RANBP2: variants seen among roughly 807,000 people sequenced by gnomAD.
RANBP2 encodes the protein RAN binding protein 2, also known as E3 SUMO-protein ligase RanBP2.
Under a neutral mutation model 303.6 loss-of-function variants are expected in RANBP2, and 57 were observed. The ratio of observed to expected loss-of-function variants is 0.19; its 90% confidence interval spans 0.15 to 0.23. RANBP2 has a LOEUF of 0.23. Ranked by LOEUF, RANBP2 falls within the 10% of genes least tolerant of loss-of-function variation. The pLI, the probability that RANBP2 is intolerant of heterozygous loss-of-function variation, is 1.00. For missense variants in RANBP2, 3,138 were observed against 3,780.8 expected (o/e 0.83, Z 4.46); for synonymous variants, 1,167 against 1,301.5 (o/e 0.90, Z 2.23).
At chr2:109,518,355 C>G in the RANBP2 span, among the ~76,000 whole-genome samples, 2 of 152,184 alleles carry the variant, frequency 1.3e-5, no homozygotes, top group Admixed American at 1.3e-4. Flanking sequence ...TACAAGCACC[C>G]TATGAGGACT....
At chr2:109,133,131 G>A in the RANBP2 span, among the ~76,000 whole-genome samples, 1 of 152,176 alleles carries the variant, frequency 6.6e-6, no homozygotes, top group South Asian at 2.1e-4. Context: ...CTCTCAGAAG[G>A]TACCCGTGGG....
Position 108,775,857 on chromosome 2 carries a change from A to C in RANBP2, c.8418A>C (p.Pro2806=). The stretch of plus-strand genomic sequence containing the variant: ...CTATTACCAAATCCATTAGTTCACC[A>C]TCTGTTTCCTCTGAAACTATGGACA... ...PDSITKSISS[P]SVSSETMDKP... Residue 2806 remains proline (P), a synonymous_variant, in exon 24 of 29, where the codon CCA becomes CCC. Transcript: ENST00000283195. 6.2e-7 allele frequency: 1 copy of C among 1,613,666 alleles called. No individual in the cohort carries two copies. Among genetic ancestry groups the C allele is most frequent in the Non-Finnish European group, 8.5e-7 (1 of 1,179,930 alleles).
At chr2:109,667,121 T>C in the RANBP2 span, 3 of 1,179,194 alleles carry the variant, frequency 2.5e-6, no homozygotes, top group Non-Finnish European at 3.7e-6. Context: ...TTTTGTTTTA[T>C]TTTACTTTTC....
chr2:108,761,689 T>G (rs917399579), intron 18 of RANBP2, among the ~76,000 whole-genome samples: 12 of 152,124 alleles, frequency 7.9e-5, no homozygotes, highest in Admixed American at 6.5e-4. Context: ...AACCTAGTCT[T>G]TCTGCAGATT....
At chr2:109,416,792 G>C in the RANBP2 span, among the ~76,000 whole-genome samples, 2 of 151,690 alleles carry the variant, frequency 1.3e-5, no homozygotes, top group African/African-American at 4.8e-5. Context: ...TGTAATCCCG[G>C]CTACTCAGGA....
At chr2:108,816,610 T>G in the RANBP2 span, among the ~76,000 whole-genome samples, 1 of 152,208 alleles carries the variant, frequency 6.6e-6, no homozygotes, top group Non-Finnish European at 1.5e-5. Context: ...CCAGTCCAGT[T>G]CCCATGATAA....
chr2:109,402,534 C>T, the RANBP2 span, among the ~76,000 whole-genome samples: 3 of 152,240 alleles, frequency 2.0e-5, no homozygotes, highest in East Asian at 3.8e-4. Flanking sequence ...CAGCCCCAGG[C>T]TCCTCGGTGC....
chr2:109,475,196 C>G, the RANBP2 span, among the ~76,000 whole-genome samples: 4 of 152,282 alleles, frequency 2.6e-5, no homozygotes, highest in African/African-American at 4.8e-5. Context: ...CTAGGATGGT[C>G]TTGATCTCTT....
In RANBP2 at chr2:108,766,597, C is replaced by T; in HGVS notation, c.6058C>T (p.Pro2020Ser). 2.5e-6 allele frequency: 4 copies of T among 1,611,766 alleles called. No individual in the cohort carries two copies. The highest frequency in any genetic ancestry group is 2.5e-6 in the Non-Finnish European group (3 of 1,179,812). The stretch of plus-strand genomic sequence containing the variant: ...CCATTTTGAACCAGTAGTTCAAATG[C>T]CCGAAAAAGTAGAACTTGTAACAGG... ...DIHFEPVVQM[P>S]EKVELVTGEE... The change falls in exon 20 of 29, where the codon CCC becomes TCC. Residue 2020 changes from proline (P) to serine (S), a missense_variant. Transcript: ENST00000283195.
At chr2:109,055,771 T>C in the RANBP2 span, among the ~76,000 whole-genome samples, 2 of 148,878 alleles carry the variant, frequency 1.3e-5, no homozygotes, top group African/African-American at 2.5e-5. Flanking sequence ...TTTTTTTTTT[T>C]TTTTTTTTGA....
At chr2:108,722,242 C>G (rs1463968041) in intron 1 of RANBP2, among the ~76,000 whole-genome samples, 1 of 152,126 alleles carries the variant, frequency 6.6e-6, no homozygotes, top group African/African-American at 2.4e-5. Context: ...TGACACCTCT[C>G]TTACACTTAG....
the RANBP2 span, among the ~76,000 whole-genome samples, chr2:109,077,273 A>G: frequency 6.6e-6 from 1 of 150,776 alleles, no homozygotes. Flanking sequence ...ACCTTAAACC[A>G]TAAAACTCCT....
the RANBP2 span, among the ~76,000 whole-genome samples, chr2:108,834,157 A>G: frequency 2.0e-5 from 3 of 150,892 alleles, no homozygotes; most frequent in Non-Finnish European, 2.9e-5. Context: ...AATCAATTGC[A>G]TATTTTTATC....
the RANBP2 span, among the ~76,000 whole-genome samples, chr2:109,611,781 G>A: frequency 6.6e-6 from 1 of 152,062 alleles, no homozygotes; most frequent in African/African-American, 2.4e-5. Context: ...ATCACCATGA[G>A]GTGTCACTAT....
chr2:109,395,303 G>GGGCTTTCAGGGC, the RANBP2 span, among the ~76,000 whole-genome samples: 6 of 152,244 alleles, frequency 3.9e-5, no homozygotes, highest in African/African-American at 1.4e-4. Context: ...TGGGCTTTCA[G>GGGCTTTCAGGGC]AACGAAGACT....
chr2:108,861,472 C>CTTTTTTTTTTTTT, the RANBP2 span, among the ~76,000 whole-genome samples: 25 of 123,520 alleles, frequency 2.0e-4, 5 homozygotes, highest in African/African-American at 8.5e-4. Context: ...AACTTTCTTC[C>CTTTTTTTTTTTTT]TTTTTTTTTT....
At chr2:109,457,476 G>T in the RANBP2 span, among the ~76,000 whole-genome samples, 1 of 152,210 alleles carries the variant, frequency 6.6e-6, no homozygotes, top group African/African-American at 2.4e-5. Flanking sequence ...AGTTGTGAGG[G>T]TTCTGCCACC....
the RANBP2 span, among the ~76,000 whole-genome samples, chr2:108,970,963 A>G: frequency 4.6e-5 from 7 of 152,146 alleles, no homozygotes; most frequent in African/African-American, 9.7e-5. Context: ...TAATTTGTGG[A>G]AGACTTCCAA....
chr2:109,498,983 G>C, the RANBP2 span, among the ~76,000 whole-genome samples: 3 of 152,198 alleles, frequency 2.0e-5, no homozygotes, highest in African/African-American at 7.2e-5. Context: ...AGTGTGGAGG[G>C]CCTGGGAATG....
Sources: gnomAD v4.1 joint callset for allele counts (sites outside exome capture counted in the v4.1 genomes callset) on GRCh38, gnomAD v4.1.1 for gene constraint, MANE v1.5 for transcripts, NCBI Gene and HGNC (gene_info 2026-07-23, HGNC 2026-07-21) for gene names.